The following KSR2 variants were observed in gnomAD, a reference collection of about 807,000 sequenced individuals.
The protein encoded by KSR2 is kinase suppressor of ras 2.
Under a neutral mutation model 107.8 loss-of-function variants are expected in KSR2, and 25 were observed. The ratio of observed to expected loss-of-function variants is 0.23; its 90% CI spans 0.17 to 0.32. The LOEUF is 0.32. Among genes scored for constraint, KSR2 ranks in the 10% least tolerant of loss-of-function variants. The probability of loss-of-function intolerance (pLI) is 1.00; values close to 1 mark genes in which losing one functional copy is unlikely to be tolerated. For missense variants in KSR2, 887 were observed against 1,268.9 expected (o/e 0.70, Z 4.57); for synonymous variants, 480 against 507.0 (o/e 0.95, Z 0.71).
At chr12:117,881,978 A>G (rs1894041780) in intron 1 of KSR2, among the ~76,000 whole-genome samples, 1 of 152,234 alleles carries the variant, frequency 6.6e-6, no homozygotes, top group Non-Finnish European at 1.5e-5. Context: ...GAGATGCTGG[A>G]GTGTCCTGCG....
At chr12:117,554,733 C>G (rs939546284) in intron 9 of KSR2, among the ~76,000 whole-genome samples, 1 of 152,194 alleles carries the variant, frequency 6.6e-6, no homozygotes, top group Non-Finnish European at 1.5e-5. Flanking sequence ...TGAGGCCTCC[C>G]TAGTCACATA....
intron 4 of KSR2, among the ~76,000 whole-genome samples, chr12:117,689,103 C>A (rs1885712220): frequency 6.6e-6 from 1 of 152,148 alleles, no homozygotes; most frequent in African/African-American, 2.4e-5. Context: ...TACCAACATA[C>A]AATGAATATG....
intron 1 of KSR2, among the ~76,000 whole-genome samples, chr12:117,916,481 C>G (rs1255686285): frequency 2.0e-5 from 3 of 152,148 alleles, no homozygotes; most frequent in Admixed American, 2.0e-4. Context: ...AAATGGAACA[C>G]AGTATATGCA....
chr12:117,751,337 TAGCA>T (rs1312965021), intron 4 of KSR2, among the ~76,000 whole-genome samples: 1 of 152,238 alleles, frequency 6.6e-6, no homozygotes, highest in African/African-American at 2.4e-5. Context: ...ATGTCTTCAT[TAGCA>T]GCGTGAGAAC....
chr12:117,507,089 C>T (rs995305959), intron 14 of KSR2, among the ~76,000 whole-genome samples: 4 of 152,168 alleles, frequency 2.6e-5, no homozygotes, highest in African/African-American at 7.2e-5. Context: ...ACCTGAAACA[C>T]TATTTGCCCC....
rs572320880 is a variant in KSR2 at position 117,867,733 on chromosome 12, T to G, written c.181-7302A>C. On this transcript the variant is annotated intron_variant, in intron 1 of 19. Coordinates refer to ENST00000339824, the MANE Select transcript of KSR2 (RefSeq NM_173598.6). Reference sequence around the variant, plus strand: ...TGACAGCCAACTCTTGCCTGGCTATTGGCTATAAGTGAGGCCATCTCAGAT... The same window carrying G: ...TGACAGCCAACTCTTGCCTGGCTATGGGCTATAAGTGAGGCCATCTCAGAT... 2.0e-5 allele frequency among the ~76,000 whole-genome samples: 3 copies of G among 152,336 alleles called. No individual in the cohort carries two copies. In the East Asian group the frequency reaches 5.8e-4, roughly 29 times the overall value.
chr12:117,679,582 AG>A (rs1885287008), intron 4 of KSR2, among the ~76,000 whole-genome samples: 1 of 152,180 alleles, frequency 6.6e-6, no homozygotes, highest in Non-Finnish European at 1.5e-5. Context: ...ACCTGCTATA[AG>A]GGTACGGGTG....
At chr12:117,515,844 T>C (rs1353922104) in intron 14 of KSR2, among the ~76,000 whole-genome samples, 1 of 152,228 alleles carries the variant, frequency 6.6e-6, no homozygotes, top group Non-Finnish European at 1.5e-5. Context: ...GAGAATTACT[T>C]GAATCCAGGA....
chr12:117,504,338 C>T (rs889239742), intron 14 of KSR2, among the ~76,000 whole-genome samples: 1 of 152,144 alleles, frequency 6.6e-6, no homozygotes, highest in Non-Finnish European at 1.5e-5. Flanking sequence ...CTGTCATTCC[C>T]CAAAACCCAA....
At chr12:117,954,685 G>A (rs1593401517) in intron 1 of KSR2, among the ~76,000 whole-genome samples, 1 of 152,306 alleles carries the variant, frequency 6.6e-6, no homozygotes, top group Middle Eastern at 3.4e-3. Flanking sequence ...CCAATCTGCA[G>A]TGGGGATGAT....
chr12:117,714,811 A>G (rs1886917023), intron 4 of KSR2, among the ~76,000 whole-genome samples: 1 of 152,200 alleles, frequency 6.6e-6, no homozygotes, highest in Non-Finnish European at 1.5e-5. Context: ...GATAGAGACT[A>G]GAGAAGATGC....
intron 3 of KSR2, among the ~76,000 whole-genome samples, chr12:117,791,762 G>A (rs141316296): frequency 4.1e-4 from 62 of 152,308 alleles, no homozygotes; most frequent in Non-Finnish European, 6.6e-4. Flanking sequence ...GGAGGCATCA[G>A]CGATCAAAAA....
intron 14 of KSR2, among the ~76,000 whole-genome samples, chr12:117,515,721 T>C (rs1460730889): frequency 6.6e-6 from 1 of 150,582 alleles, no homozygotes; most frequent in Admixed American, 6.6e-5. Flanking sequence ...AGGTCAGGAG[T>C]TCAAGACAAG....
At chr12:117,799,719 T>A (rs1890761816) in intron 3 of KSR2, among the ~76,000 whole-genome samples, 1 of 152,116 alleles carries the variant, frequency 6.6e-6, no homozygotes, top group African/African-American at 2.4e-5. Context: ...TCTTAACATC[T>A]CTGAGCCTGT....
At chr12:117,844,697 C>T (rs1402128463) in intron 3 of KSR2, among the ~76,000 whole-genome samples, 2 of 152,312 alleles carry the variant, frequency 1.3e-5, no homozygotes, top group East Asian at 3.9e-4. Flanking sequence ...ACTTTCCAGA[C>T]TTCCCCTTTC....
rs544464750 is a variant in KSR2 at position 117,561,606 on chromosome 12, G to T, written c.1326-3033C>A. Among the ~76,000 whole-genome samples the T allele has an allele frequency of 2.0e-5, 3 of 152,240 alleles. No individual in the cohort carries two copies. The South Asian group carries it at 6.2e-4, about 32-fold the overall frequency. ...GCACTCTTTTTGCTTTAACATCTTG[G>T]GGGTAGGTGTGGGTAAAGTAGAAGG... On this transcript the variant is annotated intron_variant, in intron 7 of 19. Transcript: ENST00000339824.
At chr12:117,652,220 G>A (rs369085498) in intron 5 of KSR2, among the ~76,000 whole-genome samples, 6 of 152,180 alleles carry the variant, frequency 3.9e-5, no homozygotes, top group Non-Finnish European at 7.4e-5. Flanking sequence ...TATACTGCTC[G>A]GGTGATATGT....
chr12:117,535,557 C>T (rs1229192772), intron 10 of KSR2, among the ~76,000 whole-genome samples: 1 of 151,748 alleles, frequency 6.6e-6, no homozygotes, highest in Admixed American at 6.6e-5. Flanking sequence ...CAGATTCCAC[C>T]TCCTTTCTTC....
Position 117,471,223 on chromosome 12 carries a change from G to A in KSR2, c.2680C>T (p.Leu894Phe), listed in dbSNP as rs1871438575. 1.2e-6 allele frequency: 2 copies of A among 1,613,856 alleles called. No individual in the cohort carries two copies. The highest frequency in any genetic ancestry group is 1.7e-6 in the Non-Finnish European group (2 of 1,179,882). The change falls in exon 18 of 20, where the codon CTC becomes TTC. Residue 894 changes from leucine (L) to phenylalanine (F), a missense_variant. By Grantham distance (22) the Leu-to-Phe change is conservative. Around this residue, in one of 8 missense-constraint regions of KSR2, gnomAD observed 308 missense variants for 506.2 expected, o/e 0.61. Transcript: ENST00000339824. ...TCTTTTCCCATGCCAATCTGGCTGA[G>A]GTTGGGTTTCATGCCTGTGCCCATT... ...WQMGTGMKPN[L>F]SQIGMGKEIS...
Sources: allele counts gnomAD v4.1 joint callset (sites outside exome capture counted in the v4.1 genomes callset), GRCh38; gene constraint gnomAD v4.1.1; regional missense constraint gnomAD v4.1.1; transcripts MANE v1.5; gene names NCBI Gene and HGNC (gene_info 2026-07-23, HGNC 2026-07-21).